Variants in TPRG1 observed in about 807,000 individuals in gnomAD.
TPRG1 encodes the protein tumor protein p63 regulated 1.
In TPRG1, 29 loss-of-function variants were observed where a neutral mutation model predicts 29.3. The observed-to-expected ratio is 0.99, with a 90% confidence interval of 0.74 to 1.35. The LOEUF (loss-of-function observed/expected upper bound fraction) is 1.35. Ranked by LOEUF, TPRG1 falls within the 40% of genes most tolerant of loss-of-function variation. TPRG1 has a pLI of 0.00. For missense variants in TPRG1, 327 were observed against 335.0 expected, an observed-to-expected ratio of 0.98 and a Z score of 0.19; for synonymous variants, 130 against 116.8, an observed-to-expected ratio of 1.11 and a Z score of -0.73.
intron 4 of TPRG1, among the ~76,000 whole-genome samples, chr3:189,305,780 T>C (rs1721529855): frequency 1.3e-5 from 2 of 152,232 alleles, no homozygotes; most frequent in Admixed American, 6.5e-5. Context: ...CCAACTCAGA[T>C]AGTTTAGGAT....
intron 4 of TPRG1, among the ~76,000 whole-genome samples, chr3:189,039,675 T>A (rs1317059005): frequency 2.6e-5 from 4 of 152,100 alleles, no homozygotes; most frequent in Non-Finnish European, 4.4e-5. Flanking sequence ...AACCACAAAG[T>A]TTTTGCAATT....
At chr3:189,214,815 G>A (rs79839238) in intron 2 of TPRG1, among the ~76,000 whole-genome samples, 10,238 of 152,154 alleles carry the variant, frequency 0.067, 473 homozygotes, top group Middle Eastern at 0.13. Flanking sequence ...AGTAACACCT[G>A]TTTGGGGAAG....
At chr3:189,130,356 T>C (rs75490474) in intron 2 of TPRG1, among the ~76,000 whole-genome samples, 3,921 of 152,296 alleles carry the variant, frequency 0.026, 170 homozygotes, top group African/African-American at 0.087. Flanking sequence ...CAAACATTGC[T>C]CCTCATTAAG....
At chr3:189,286,394 G>A (rs568479934) in intron 4 of TPRG1, among the ~76,000 whole-genome samples, 1 of 152,204 alleles carries the variant, frequency 6.6e-6, no homozygotes, top group East Asian at 1.9e-4. Flanking sequence ...TGAGAACTGA[G>A]ATTTGGTTTT....
At chr3:189,051,299 G>A (rs142291316) in intron 4 of TPRG1, among the ~76,000 whole-genome samples, 274 of 152,210 alleles carry the variant, frequency 1.8e-3, no homozygotes, top group Admixed American at 3.1e-3. Context: ...CAGCGACCAA[G>A]CAGAGAATCA....
At chr3:189,218,336 T>G (rs976888297) in intron 3 of TPRG1, among the ~76,000 whole-genome samples, 4 of 152,134 alleles carry the variant, frequency 2.6e-5, no homozygotes, top group African/African-American at 9.7e-5. Flanking sequence ...CAGGGTGGCC[T>G]CTATCTCCTG....
At chr3:189,052,594 T>TTGCTGTAGTGCTA (rs1715396033) in intron 4 of TPRG1, among the ~76,000 whole-genome samples, 1 of 152,218 alleles carries the variant, frequency 6.6e-6, no homozygotes, top group African/African-American at 2.4e-5. Flanking sequence ...CTACTGGGTA[T>TTGCTGTAGTGCTA]CTACCAGAGG....
chr3:189,157,692 A>G lies in TPRG1; in HGVS notation c.-10+6820A>G, dbSNP rs184889860. Among the ~76,000 whole-genome samples the G allele has an allele frequency of 4.5e-3, 680 of 152,290 alleles. 3 individuals are homozygous for G. The highest frequency in any genetic ancestry group is 7.1e-3 in the Non-Finnish European group (482 of 68,016). ...CCCTCCCGAAGGAAGTTTCCATGAA[A>G]ATAAAACACAAGCAGAACACCATGC... On this transcript the variant is annotated intron_variant, in intron 5 of 6. Transcript: ENST00000412373.
At chr3:189,165,008 T>C (rs996381569) in intron 5 of TPRG1, among the ~76,000 whole-genome samples, 1 of 152,184 alleles carries the variant, frequency 6.6e-6, no homozygotes, top group African/African-American at 2.4e-5. Flanking sequence ...TTGTACAATG[T>C]AGCTAGCTCC....
intron 4 of TPRG1, among the ~76,000 whole-genome samples, chr3:189,068,370 C>A (rs188693862): frequency 1.3e-5 from 2 of 152,092 alleles, no homozygotes; most frequent in Non-Finnish European, 2.9e-5. Flanking sequence ...TCACAACATG[C>A]GCTATTTGCA....
At chr3:189,076,304 G>A (rs1717166540) in intron 4 of TPRG1, among the ~76,000 whole-genome samples, 1 of 152,188 alleles carries the variant, frequency 6.6e-6, no homozygotes, top group Admixed American at 6.5e-5. Context: ...ACACTGGGCT[G>A]TAAGTAAAAT....
At chr3:189,164,428 C>T (rs2108640580) in intron 5 of TPRG1, among the ~76,000 whole-genome samples, 1 of 152,312 alleles carries the variant, frequency 6.6e-6, no homozygotes, top group South Asian at 2.1e-4. Flanking sequence ...TCCCAAAGTA[C>T]TGGGATTACA....
At chr3:189,284,352 CCCT>C (rs1717682734) in intron 4 of TPRG1, among the ~76,000 whole-genome samples, 1 of 119,618 alleles carries the variant, frequency 8.4e-6, no homozygotes, top group African/African-American at 3.2e-5. Flanking sequence ...CCCTCCCCCC[CCCT>C]CCCCCCACCC....
chr3:189,218,126 T>C lies in TPRG1; in HGVS notation c.302+2743T>C. The C allele has an allele frequency of 8.2e-6, 7 of 851,066 alleles. No homozygotes were observed. In the South Asian group the frequency reaches 2.7e-4, roughly 33 times the overall value. The allele number at this position is 851,066 out of a possible 1,614,324, so 52.7% of individuals were successfully genotyped here. A position where few individuals can be genotyped will look rare whatever the true frequency, so the allele number is the denominator to read the frequency against. ...CAACCACACAAGATTCTCTCTTTTT[T>C]TTTTGAGACGGAGTCTCGCTCTGTC... is the stretch of plus-strand genomic sequence containing the variant. On this transcript the variant is annotated intron_variant, in intron 3 of 5. Coordinates refer to ENST00000345063, the MANE Select transcript of TPRG1 (RefSeq NM_198485.4).
At chr3:189,225,985 T>C (rs1336794416) in intron 3 of TPRG1, among the ~76,000 whole-genome samples, 1 of 149,814 alleles carries the variant, frequency 6.7e-6, no homozygotes, top group African/African-American at 2.5e-5. Context: ...TACCAAGCAA[T>C]AGAGTTGAAA....
At chr3:189,082,874 TCA>T (rs967250906) in intron 4 of TPRG1, among the ~76,000 whole-genome samples, 1 of 151,500 alleles carries the variant, frequency 6.6e-6, no homozygotes, top group Admixed American at 6.6e-5. Flanking sequence ...GAACGTACAT[TCA>T]CACACACACA....
chr3:189,225,584 T>G (rs920029213), intron 3 of TPRG1, among the ~76,000 whole-genome samples: 1 of 152,210 alleles, frequency 6.6e-6, no homozygotes, highest in Non-Finnish European at 1.5e-5. Flanking sequence ...CTATCAACAC[T>G]TCTAGACCAT....
chr3:189,024,356 G>C (rs1713542730), intron 4 of TPRG1, among the ~76,000 whole-genome samples: 1 of 152,184 alleles, frequency 6.6e-6, no homozygotes, highest in Non-Finnish European at 1.5e-5. Flanking sequence ...CCTCTAGGCT[G>C]GAACAGCCAA....
At chr3:189,102,450 A>T (rs1422366145) in intron 1 of TPRG1, among the ~76,000 whole-genome samples, 1 of 152,160 alleles carries the variant, frequency 6.6e-6, no homozygotes, top group African/African-American at 2.4e-5. Context: ...CCTCTTATCC[A>T]TCCAATTTCC....
Sources: allele counts gnomAD v4.1 joint callset (sites outside exome capture counted in the v4.1 genomes callset), GRCh38; gene constraint gnomAD v4.1.1; transcripts MANE v1.5; gene names NCBI Gene and HGNC (gene_info 2026-07-23, HGNC 2026-07-21).